Variants in TENM2 observed in about 807,000 individuals in gnomAD.
TENM2 encodes the protein teneurin-2.
In TENM2, 52 loss-of-function variants were observed where a neutral mutation model predicts 245.2. The observed-to-expected ratio is 0.21, with a 90% confidence interval of 0.17 to 0.27. The LOEUF (loss-of-function observed/expected upper bound fraction) is 0.27, where lower values mean the gene tolerates loss of function less well. Ranked by LOEUF, TENM2 falls within the 10% of genes least tolerant of loss-of-function variation. The probability of loss-of-function intolerance (pLI) is 1.00; values close to 1 mark genes in which losing one functional copy is unlikely to be tolerated. For synonymous variants in TENM2, 1,363 were observed against 1,438.9 expected (o/e 0.95, Z 1.19); for missense variants, 3,046 against 3,666.8 (o/e 0.83, Z 4.37).
At chr5:168,226,444 T>C (rs866512603) in intron 24 of TENM2, among the ~76,000 whole-genome samples, 181 bp downstream of exon 26, 3 of 152,158 alleles carry the variant, frequency 2.0e-5, no homozygotes, top group Non-Finnish European at 2.9e-5. Flanking sequence ...AGAAAATGAC[T>C]TAATCAGATA....
intron 2 of TENM2, among the ~76,000 whole-genome samples, chr5:167,863,177 G>C (rs1209959196): frequency 6.6e-6 from 1 of 152,166 alleles, no homozygotes; most frequent in Non-Finnish European, 1.5e-5. Flanking sequence ...TTGTTGGAAG[G>C]ATTTCGTAAA....
At chr5:167,808,451 G>T (rs1766392712) in intron 2 of TENM2, among the ~76,000 whole-genome samples, 1 of 152,088 alleles carries the variant, frequency 6.6e-6, no homozygotes, top group African/African-American at 2.4e-5. Context: ...GTAGAGACGG[G>T]GTTTTGCCAT....
At chr5:167,352,294 A>G (rs1319639274) in intron 1 of TENM2, among the ~76,000 whole-genome samples, 2 of 152,140 alleles carry the variant, frequency 1.3e-5, no homozygotes, top group Non-Finnish European at 2.9e-5. Flanking sequence ...TGGCTGAGTT[A>G]GCTTCTTTAT....
At chr5:167,677,317 C>A (rs890727678) in intron 2 of TENM2, among the ~76,000 whole-genome samples, 9 of 151,928 alleles carry the variant, frequency 5.9e-5, no homozygotes, top group Admixed American at 2.0e-4. Context: ...CTTGTCACAC[C>A]ACACATAAAG....
At chr5:167,852,507 T>G (rs1770677274) in intron 2 of TENM2, among the ~76,000 whole-genome samples, 1 of 152,224 alleles carries the variant, frequency 6.6e-6, no homozygotes, top group East Asian at 1.9e-4. Flanking sequence ...TTTTTATTAT[T>G]TATCCCTATT....
chr5:167,407,276 G>A (rs1018389708), intron 2 of TENM2, among the ~76,000 whole-genome samples: 3 of 152,002 alleles, frequency 2.0e-5, no homozygotes, highest in African/African-American at 7.2e-5. Context: ...AAATAACTGG[G>A]TATATGCTGG....
chr5:167,258,251 A>G, the TENM2 span, among the ~76,000 whole-genome samples: 3 of 145,866 alleles, frequency 2.1e-5, no homozygotes, highest in Non-Finnish European at 4.5e-5. Flanking sequence ...ATGTATATAT[A>G]TATATAGTGC....
At chr5:167,111,949 A>G in the TENM2 span, among the ~76,000 whole-genome samples, 4 of 152,280 alleles carry the variant, frequency 2.6e-5, no homozygotes, top group East Asian at 5.8e-4. Flanking sequence ...TCACTTGGCC[A>G]TATGTTTGCA....
the TENM2 span, among the ~76,000 whole-genome samples, chr5:167,083,746 G>C: frequency 0.041 from 6,248 of 152,210 alleles, 173 homozygotes; most frequent in South Asian, 0.089. Flanking sequence ...TTTCCTTGAA[G>C]GAACAAATCA....
intron 15 of TENM2, among the ~76,000 whole-genome samples, chr5:168,197,511 T>G (rs1157253533): frequency 1.3e-5 from 2 of 151,920 alleles, no homozygotes; most frequent in Non-Finnish European, 2.9e-5. Context: ...CCATCCTGGT[T>G]AACAGGGTGA....
chr5:167,089,980 G>T, the TENM2 span, among the ~76,000 whole-genome samples: 1 of 152,168 alleles, frequency 6.6e-6, no homozygotes, highest in South Asian at 2.1e-4. Flanking sequence ...CTCTTCACTT[G>T]TAGAGGATTG....
Position 168,218,682 on chromosome 5 carries a change from C to T in TENM2, c.4791C>T (p.Asn1597=), listed in dbSNP as rs761778312. ...GAGAGCAGGAGTTATATGTTTTCAA[C>T]GCTGATGGCATCCACCAATACACTG... The change falls in exon 23 of 29, where the codon AAC becomes AAT. Residue 1597 remains asparagine (N), a synonymous_variant. Transcript: ENST00000518659. The surrounding 1 kb of genome is among the most constrained non-coding windows in gnomAD (Gnocchi z 5.2). 1.2e-5 allele frequency: 19 copies of T among 1,613,888 alleles called. No homozygotes were observed. In the Middle Eastern group the frequency reaches 4.9e-4, roughly 42 times the overall value.
intron 2 of TENM2, among the ~76,000 whole-genome samples, chr5:167,455,455 G>GTTTT (rs10666572): frequency 0.018 from 2,620 of 141,760 alleles, 68 homozygotes; most frequent in South Asian, 0.095. Flanking sequence ...TGTATGTGTA[G>GTTTT]TTTTTTTTTT....
chr5:167,350,628 T>TACATATATGG (rs1758791227), intron 1 of TENM2, among the ~76,000 whole-genome samples: 1 of 60,408 alleles, frequency 1.7e-5, no homozygotes, highest in African/African-American at 5.1e-5. Flanking sequence ...CATATGTGGA[T>TACATATATGG]ATATATATAT....
chr5:167,726,574 T>G (rs1482636599), intron 2 of TENM2, among the ~76,000 whole-genome samples: 1 of 152,176 alleles, frequency 6.6e-6, no homozygotes, highest in Non-Finnish European at 1.5e-5. Flanking sequence ...TCTTCCTGCC[T>G]CAGCCTGCCA....
chr5:167,351,486 A>T (rs927764464), intron 1 of TENM2, among the ~76,000 whole-genome samples: 4 of 152,182 alleles, frequency 2.6e-5, no homozygotes, highest in African/African-American at 9.7e-5. Context: ...CTATGGGTTC[A>T]CTGAGCAATA....
At chr5:168,213,824 A>AAAAAT in intron 20 of TENM2, among the ~76,000 whole-genome samples, 1 of 152,186 alleles carries the variant, frequency 6.6e-6, no homozygotes, top group East Asian at 1.9e-4. Context: ...TGTCTCTGAG[A>AAAAAT]AAAATAAAAT....
the TENM2 span, among the ~76,000 whole-genome samples, chr5:167,068,984 G>A: frequency 2.0e-5 from 3 of 152,070 alleles, no homozygotes; most frequent in African/African-American, 7.2e-5. Flanking sequence ...GTTTGAACTC[G>A]TCATTTCATT....
intron 2 of TENM2, among the ~76,000 whole-genome samples, chr5:167,580,472 A>T (rs1435551094): frequency 1.3e-5 from 2 of 152,204 alleles, no homozygotes; most frequent in Non-Finnish European, 2.9e-5. Context: ...TTAGTCATTA[A>T]CTGGGTGCCA....
Sources: allele counts gnomAD v4.1 joint callset (sites outside exome capture counted in the v4.1 genomes callset), GRCh38; gene constraint gnomAD v4.1.1; non-coding constraint Gnocchi (gnomAD v3.1); transcripts MANE v1.5; gene names NCBI Gene and HGNC (gene_info 2026-07-23, HGNC 2026-07-21).